The following ATP6V1H variants were observed in gnomAD, a reference collection of about 807,000 sequenced individuals.
The protein encoded by ATP6V1H is ATPase H+ transporting V1 subunit H, also known as V-type proton ATPase subunit H.
In ATP6V1H, 39 loss-of-function variants were observed where a neutral mutation model predicts 71.7. The ratio of observed to expected loss-of-function variants is 0.54; its 90% CI spans 0.42 to 0.71. ATP6V1H has a LOEUF of 0.71. Among genes scored for constraint, ATP6V1H ranks in the 30% least tolerant of loss-of-function variants. ATP6V1H has a pLI of 0.00. For missense variants in ATP6V1H, 509 were observed against 594.9 expected (o/e 0.86, Z 1.50); for synonymous variants, 192 against 199.3 (o/e 0.96, Z 0.31).
chr8:53,807,196 G>A (rs928647541), intron 7 of ATP6V1H, among the ~76,000 whole-genome samples: 4 of 151,380 alleles, frequency 2.6e-5, no homozygotes, highest in Non-Finnish European at 5.9e-5. Context: ...GGGGTGACAA[G>A]TATTACATCA....
chr8:53,746,520 C>G (rs1316879160), intron 12 of ATP6V1H, among the ~76,000 whole-genome samples: 1 of 152,172 alleles, frequency 6.6e-6, no homozygotes, highest in Non-Finnish European at 1.5e-5. Context: ...CCGCCTCAGC[C>G]TCCCAAAGTG....
intron 12 of ATP6V1H, among the ~76,000 whole-genome samples, chr8:53,755,164 G>A (rs753092135): frequency 3.9e-5 from 6 of 152,164 alleles, no homozygotes; most frequent in Non-Finnish European, 7.3e-5. Flanking sequence ...TTTGAGGAAA[G>A]CTCTAGAGGC....
intron 9 of ATP6V1H, among the ~76,000 whole-genome samples, chr8:53,786,517 T>C (rs962874588): frequency 6.6e-6 from 1 of 152,164 alleles, no homozygotes; most frequent in African/African-American, 2.4e-5. Context: ...CTGCTTTGGC[T>C]CACGCACTGT....
At chr8:53,787,576 C>T (rs1475510051) in intron 9 of ATP6V1H, among the ~76,000 whole-genome samples, 2 of 152,202 alleles carry the variant, frequency 1.3e-5, no homozygotes, top group Non-Finnish European at 2.9e-5. Context: ...AAGTATATCA[C>T]TGTAAAAATA....
At position 53,772,903 on chromosome 8, in the gene ATP6V1H, C is replaced by CAA. The variant is rs201949406; in HGVS notation, c.871-738_871-737dup. On this transcript the variant is annotated intron_variant, in intron 9 of 13. Coordinates refer to ENST00000359530, the MANE Select transcript of ATP6V1H (RefSeq NM_015941.4). ...GCTAGTTTAAAAAGCCTATCAAATGCAAAAAAAAAAAAAAAAAAACAAAAC... is the reference window on the plus strand; with the variant it reads ...GCTAGTTTAAAAAGCCTATCAAATGCAAAAAAAAAAAAAAAAAAAAACAAAAC... 3.0e-3 allele frequency among the ~76,000 whole-genome samples: 177 copies of CAA among 59,340 alleles called. 2 individuals are homozygous for CAA. Among genetic ancestry groups the CAA allele is most frequent in the African/African-American group, 7.8e-3 (124 of 15,936 alleles). The allele number at this position is 59,340 out of a possible 152,430, so 38.9% of individuals were successfully genotyped here.
chr8:53,789,756 C>A (rs1439403761), intron 9 of ATP6V1H, among the ~76,000 whole-genome samples: 1 of 151,974 alleles, frequency 6.6e-6, no homozygotes, highest in African/African-American at 2.4e-5. Flanking sequence ...TTTTTACAAT[C>A]TTTTACAATT....
intron 12 of ATP6V1H, among the ~76,000 whole-genome samples, chr8:53,748,095 T>C (rs1168675314): frequency 6.6e-6 from 1 of 150,614 alleles, no homozygotes; most frequent in African/African-American, 2.4e-5. Context: ...GAGGTGGAGG[T>C]TGCAGTGAGC....
chr8:53,767,029 T>C (rs186768670), intron 11 of ATP6V1H, among the ~76,000 whole-genome samples: 36 of 152,308 alleles, frequency 2.4e-4, no homozygotes, highest in African/African-American at 8.2e-4. Context: ...CTGGTTTTTG[T>C]GGCTTGTGGG....
intron 4 of ATP6V1H, among the ~76,000 whole-genome samples, chr8:53,826,680 C>T (rs1810831228): frequency 1.3e-5 from 2 of 152,078 alleles, no homozygotes; most frequent in Admixed American, 1.3e-4. Context: ...AGCGCAGTGG[C>T]TCACACTTGT....
At chr8:53,776,192 G>C (rs575533170) in intron 9 of ATP6V1H, among the ~76,000 whole-genome samples, 1 of 152,202 alleles carries the variant, frequency 6.6e-6, no homozygotes, top group Non-Finnish European at 1.5e-5. Flanking sequence ...GCTGCTCCGA[G>C]TTTGGGGCCC....
At chr8:53,746,172 A>G (rs576718085) in intron 12 of ATP6V1H, among the ~76,000 whole-genome samples, 3 of 152,338 alleles carry the variant, frequency 2.0e-5, no homozygotes, top group African/African-American at 7.2e-5. Context: ...GCCTAGCAAA[A>G]GCAGTGTTTT....
intron 7 of ATP6V1H, among the ~76,000 whole-genome samples, chr8:53,802,575 CT>C (rs1275156830): frequency 2.0e-5 from 3 of 152,118 alleles, no homozygotes; most frequent in Admixed American, 1.3e-4. Context: ...AAAAAATTAG[CT>C]GGGCCTGGTG....
At chr8:53,796,085 G>T (rs1413899345) in intron 8 of ATP6V1H, among the ~76,000 whole-genome samples, 1 of 152,150 alleles carries the variant, frequency 6.6e-6, no homozygotes, top group Non-Finnish European at 1.5e-5. Context: ...GCGGCAAGAA[G>T]AAAGGGAACA....
Position 53,795,703 on chromosome 8 carries a change from T to C in ATP6V1H, c.814A>G (p.Ile272Val), listed in dbSNP as rs751418637. The part of the protein sequence containing the change: ...RYNIIPVLSD[I>V]LQESVKEKVT... ...TTCTCTTTGACAGACTCCTGAAGGA[T>C]ATCAGACAGAACTGGAATGATATTA... The change falls in exon 9 of 14, where the codon ATC becomes GTC. Residue 272 changes from isoleucine (I) to valine (V), a missense_variant. By Grantham distance (29) the Ile-to-Val change is conservative (BLOSUM62 3). Coordinates refer to ENST00000359530, the MANE Select transcript of ATP6V1H (RefSeq NM_015941.4). 1 of 1,613,852 alleles carries C rather than the reference T, an allele frequency of 6.2e-7. No individual in the cohort carries two copies. Among genetic ancestry groups the C allele is most frequent in the South Asian group, 1.1e-5 (1 of 91,010 alleles).
At position 53,745,369 on chromosome 8, in the gene ATP6V1H, G is replaced by A. The variant is rs530195076; in HGVS notation, c.1278-1679C>T. Among the ~76,000 whole-genome samples, 239 of 152,186 alleles carry A rather than the reference G, an allele frequency of 1.6e-3. 1 individual carries two copies. The highest frequency in any genetic ancestry group is 2.6e-3 in the Non-Finnish European group (174 of 68,012). Reference sequence around the variant, plus strand: ...GCTATGATTGCACCACTGCACTCCAGCTGGAGCAACAGGGTAAGACCCTGT... The same window carrying A: ...GCTATGATTGCACCACTGCACTCCAACTGGAGCAACAGGGTAAGACCCTGT... On this transcript the variant is annotated intron_variant, in intron 12 of 13. Coordinates refer to ENST00000359530, the MANE Select transcript of ATP6V1H (RefSeq NM_015941.4).
At chr8:53,731,225 T>C (rs1020193101) in intron 13 of ATP6V1H, among the ~76,000 whole-genome samples, 1 of 152,180 alleles carries the variant, frequency 6.6e-6, no homozygotes, top group African/African-American at 2.4e-5. Flanking sequence ...CACTGCCTGA[T>C]CCCGCCTGTT....
chr8:53,840,355 G>C (rs567446416), intron 2 of ATP6V1H, among the ~76,000 whole-genome samples: 1 of 152,076 alleles, frequency 6.6e-6, no homozygotes, highest in African/African-American at 2.4e-5. Context: ...AAAATTAGGC[G>C]GGCAAGGTGT....
rs571514927 is a variant in ATP6V1H at position 53,821,580 on chromosome 8, T to C, written c.307-4050A>G. 8.8e-5 allele frequency among the ~76,000 whole-genome samples: 13 copies of C among 148,378 alleles called. No homozygotes were observed. In the South Asian group the frequency reaches 2.8e-3, roughly 32 times the overall value. On this transcript the variant is annotated intron_variant, in intron 4 of 13. Coordinates refer to ENST00000359530, the MANE Select transcript of ATP6V1H (RefSeq NM_015941.4). ...CCTGTAATACCAGCTACTACTACTC[T>C]GGAGGCTGAGGCATGAGAATCACTT...
At chr8:53,722,945 T>C (rs1461877619) in intron 13 of ATP6V1H, among the ~76,000 whole-genome samples, 1 of 152,232 alleles carries the variant, frequency 6.6e-6, no homozygotes. Flanking sequence ...TGATATGTAG[T>C]AGAAAGTGAA....
Sources: allele counts gnomAD v4.1 joint callset (sites outside exome capture counted in the v4.1 genomes callset), GRCh38; gene constraint gnomAD v4.1.1; transcripts MANE v1.5; gene names NCBI Gene and HGNC (gene_info 2026-07-23, HGNC 2026-07-21).